Variants in CBLC observed in about 807,000 individuals in gnomAD.
CBLC encodes the protein E3 ubiquitin-protein ligase CBL-C.
A neutral mutation model predicts 58.6 loss-of-function variants in CBLC; 46 were observed. That is an observed-to-expected ratio of 0.79 (90% CI 0.62 to 1.00). CBLC has a LOEUF of 1.00. Ranked by LOEUF, CBLC falls within the 50% of genes least tolerant of loss-of-function variation. The pLI is 0.00. For missense variants in CBLC, 655 were observed against 625.8 expected, an observed-to-expected ratio of 1.05 and a Z score of -0.50; for synonymous variants, 271 against 264.2, an observed-to-expected ratio of 1.03 and a Z score of -0.25.
intron 9 of CBLC, 118 bp downstream of exon 9, chr19:44,794,399 A>G: frequency 1.3e-6 from 1 of 755,578 alleles, no homozygotes; most frequent in South Asian, 1.9e-5. Flanking sequence ...ACCCATTTCC[A>G]AGGCACCCAT....
Position 44,794,279 on chromosome 19 carries a change from G to A in CBLC, c.1360G>A (p.Val454Met). 1.2e-6 allele frequency: 2 copies of A among 1,613,044 alleles called. No homozygotes were observed. ...GAAGCCCAGAAATGCCCAGCCGAAAGTGGTGAGTCAGGCGCTGGTCTGAGG... is the reference window on the plus strand; with the variant it reads ...GAAGCCCAGAAATGCCCAGCCGAAAATGGTGAGTCAGGCGCTGGTCTGAGG... ...PRKPRNAQPKVRLLKGNSPPA... is the reference protein window; with the variant it reads ...PRKPRNAQPKMRLLKGNSPPA... The change falls in exon 9 of 11, where the codon GTG becomes ATG. Residue 454 changes from valine to methionine, a missense_variant and splice_region_variant. Physicochemically the swap from Val to Met is conservative, Grantham distance 21. This residue lies in a region of CBLC where 371 missense variants were observed against 370.8 expected (regional missense o/e 1.00). Transcript: ENST00000647358.
chr19:44,785,569 TA>T (rs1165422544), intron 5 of CBLC, among the ~76,000 whole-genome samples: 5 of 146,044 alleles, frequency 3.4e-5, no homozygotes, highest in Non-Finnish European at 1.5e-5. Flanking sequence ...GATAGATAGA[TA>T]GATAGGCAGA....
chr19:44,784,202 A>C, intron 4 of CBLC, 62 bp from the exon 5 acceptor site: 12 of 1,431,342 alleles, frequency 8.4e-6, no homozygotes, highest in African/African-American at 1.4e-5. Context: ...GGGGACTGGA[A>C]GTTCACAAAA....
chr19:44,781,812 G>A (rs1195774049), intron 3 of CBLC, among the ~76,000 whole-genome samples: 7 of 141,934 alleles, frequency 4.9e-5, no homozygotes, highest in Non-Finnish European at 1.1e-4. Flanking sequence ...GGGTCTGAGG[G>A]AGGAGGGGGT....
At chr19:44,784,194 G>A in intron 4 of CBLC, 70 bp from the exon 5 acceptor site, 1 of 1,420,372 alleles carries the variant, frequency 7.0e-7, no homozygotes, top group Non-Finnish European at 9.6e-7. Flanking sequence ...ACAGGCCAGG[G>A]GACTGGAAGT....
intron 5 of CBLC, among the ~76,000 whole-genome samples, chr19:44,785,563 GATA>G (rs1967881147): frequency 1.3e-5 from 2 of 152,006 alleles, no homozygotes; most frequent in African/African-American, 2.4e-5. Flanking sequence ...TAGATAGATA[GATA>G]GATAGATAGG....
Position 44,778,071 on chromosome 19 carries a change from T to C in CBLC, c.140T>C (p.Leu47Pro). The C allele has an allele frequency of 6.2e-7, 1 of 1,608,482 alleles. No individual in the cohort carries two copies. Among genetic ancestry groups the C allele is most frequent in the Non-Finnish European group, 8.5e-7 (1 of 1,179,600 alleles). The change falls in exon 1 of 11, where the codon CTG becomes CCG. Residue 47 changes from leucine (L) to proline (P), a missense_variant. Coordinates refer to ENST00000647358, the MANE Select transcript of CBLC (RefSeq NM_012116.4). Reference sequence around the variant, plus strand: ...GTGAGTCCCCCTTCGCTGCGGGACCTGCTGCCCCGCACAGCGCAGCTGCTT... The same window carrying C: ...GTGAGTCCCCCTTCGCTGCGGGACCCGCTGCCCCGCACAGCGCAGCTGCTT... ...LSVSPPSLRD[L>P]LPRTAQLLRE...
rs1568554389 is a variant in CBLC at position 44,778,443 on chromosome 19, A to G, written c.353+159A>G. On this transcript the variant is annotated intron_variant, in intron 1 of 10. Transcript: ENST00000647358. ...CCTCCTCCCTCAGACTCAGGGCTCC[A>G]GCCCCCAGCCCCTCCTCCCTCAGAC... Among the ~76,000 whole-genome samples the G allele has an allele frequency of 7.9e-3, 301 of 37,868 alleles. 1 individual carries two copies. The highest frequency in any genetic ancestry group is 0.03 in the African/African-American group (106 of 3,588). 24.8% of individuals were successfully genotyped at this position (37,868 alleles called of 152,430 possible). A position where few individuals can be genotyped will look rare whatever the true frequency, so the allele number is the denominator to read the frequency against.
At chr19:44,794,959 C>CTTTT (rs35703201) in intron 9 of CBLC, among the ~76,000 whole-genome samples, 1 of 136,364 alleles carries the variant, frequency 7.3e-6, no homozygotes, top group African/African-American at 2.7e-5. Flanking sequence ...AATCCCAGTA[C>CTTTT]TTTTTTTTTT....
In CBLC at chr19:44,790,097, A is replaced by G; in HGVS notation, c.1005+6A>G. The G allele has an allele frequency of 6.2e-7, 1 of 1,607,918 alleles. No individual in the cohort carries two copies. The highest frequency in any genetic ancestry group is 8.5e-7 in the Non-Finnish European group (1 of 1,174,586). On this transcript the variant is annotated splice_donor_region_variant and intron_variant, in intron 6 of 10. Transcript: ENST00000647358. Reference sequence around the variant, plus strand: ...AGCGCATCCACGTGTCAGAGGTGAGACCCGCACCTGCACCCGCAGTCCCAG... The same window carrying G: ...AGCGCATCCACGTGTCAGAGGTGAGGCCCGCACCTGCACCCGCAGTCCCAG...
At chr19:44,781,722 A>G (rs1967747568) in intron 3 of CBLC, among the ~76,000 whole-genome samples, 1 of 88,740 alleles carries the variant, frequency 1.1e-5, no homozygotes, top group South Asian at 4.6e-4. Context: ...TGGGGCCTGG[A>G]CTCCTGGGTC....
chr19:44,794,163 G>A (rs761988158), intron 8 of CBLC, 41 bp from the exon 9 acceptor site: 1 of 1,579,584 alleles, frequency 6.3e-7, no homozygotes, highest in Admixed American at 1.9e-5. Context: ...GAAGAAAATG[G>A]CAGCTCACAA....
intron 5 of CBLC, among the ~76,000 whole-genome samples, chr19:44,784,607 C>G (rs549967281): frequency 2.2e-4 from 34 of 152,300 alleles, no homozygotes; most frequent in African/African-American, 7.9e-4. Context: ...ACAAAGTGGC[C>G]ATAGATCGGG....
In CBLC at chr19:44,778,076, C is replaced by T. The variant is rs775127808; in HGVS notation, c.145C>T (p.Pro49Ser). Residue 49 changes from proline to serine, a missense_variant, in exon 1 of 11, where the codon CCC (proline) becomes TCC (serine). Physicochemically the swap from Pro to Ser is moderately conservative, Grantham distance 74 (BLOSUM62 -1). Around this residue, in one of 3 missense-constraint regions of CBLC, gnomAD observed 280 missense variants for 237.2 expected, o/e 1.18. Coordinates refer to ENST00000647358, the MANE Select transcript of CBLC (RefSeq NM_012116.4). The stretch of plus-strand genomic sequence containing the variant: ...TCCCCCTTCGCTGCGGGACCTGCTG[C>T]CCCGCACAGCGCAGCTGCTTCGAGA... ...VSPPSLRDLL[P>S]RTAQLLREVA... 1.8e-5 allele frequency: 29 copies of T among 1,608,274 alleles called. No homozygotes were observed. In the South Asian group the frequency reaches 3.2e-4, roughly 18 times the overall value.
intron 10 of CBLC, 32 bp from the exon 11 acceptor site, chr19:44,800,519 C>G: frequency 1.1e-6 from 1 of 949,792 alleles, no homozygotes; most frequent in Non-Finnish European, 1.7e-6. Context: ...TGGAGGTGAC[C>G]TCATCTAACC....
In CBLC at chr19:44,777,949, C is replaced by T. The variant is rs1426210452; in HGVS notation, c.18C>T (p.Ala6=). The T allele has an allele frequency of 1.9e-6, 3 of 1,597,416 alleles. No homozygotes were observed. Among genetic ancestry groups the T allele is most frequent in the Admixed American group, 1.7e-5 (1 of 58,586 alleles). MALAV[A]PWGRQWEEAR... ...AGGCTCCCATGGCTCTGGCGGTGGC[C>T]CCGTGGGGGCGACAGTGGGAAGAGG... Residue 6 remains alanine (A), a synonymous_variant, in exon 1 of 11, where the codon GCC becomes GCT. Transcript: ENST00000647358.
At chr19:44,788,121 T>C (rs1026154571) in intron 5 of CBLC, among the ~76,000 whole-genome samples, 5 of 151,480 alleles carry the variant, frequency 3.3e-5, no homozygotes, top group African/African-American at 1.2e-4. Flanking sequence ...CTTTTGGTGG[T>C]TCTTTTTTTT....
At chr19:44,798,742 G>T (rs561380049) in intron 9 of CBLC, among the ~76,000 whole-genome samples, 1 of 151,750 alleles carries the variant, frequency 6.6e-6, no homozygotes, top group Non-Finnish European at 1.5e-5. Context: ...GTCTCAAAAA[G>T]AAAGAAAGAA....
chr19:44,784,508 A>C (rs559332425), intron 5 of CBLC, 107 bp downstream of exon 5: 1 of 1,088,822 alleles, frequency 9.2e-7, no homozygotes, highest in African/African-American at 1.5e-5. Flanking sequence ...GCAACCATTC[A>C]CATAGGGGAC....
Sources: gnomAD v4.1 joint callset for allele counts (sites outside exome capture counted in the v4.1 genomes callset) on GRCh38, gnomAD v4.1.1 for gene constraint, gnomAD v4.1.1 regional missense constraint, MANE v1.5 for transcripts, NCBI Gene and HGNC (gene_info 2026-07-23, HGNC 2026-07-21) for gene names.